VPS50: variants seen among roughly 807,000 people sequenced by gnomAD.
VPS50 encodes the protein syndetin.
VPS50 carries 70 observed loss-of-function variants against 139.7 expected under a neutral mutation model. That is an observed-to-expected ratio of 0.50 (90% confidence interval 0.41 to 0.61). VPS50 has a LOEUF of 0.61. Among genes scored for constraint, VPS50 ranks in the 20% least tolerant of loss-of-function variants. The probability of loss-of-function intolerance (pLI) is 0.00; values close to 1 mark genes in which losing one functional copy is unlikely to be tolerated. For missense variants in VPS50, 921 were observed against 1,133.7 expected (o/e 0.81, Z 2.69); for synonymous variants, 365 against 376.7 (o/e 0.97, Z 0.36).
chr7:93,330,469 A>C (rs1797903105), intron 21 of VPS50, among the ~76,000 whole-genome samples: 1 of 152,134 alleles, frequency 6.6e-6, no homozygotes. Context: ...AATATAAAAA[A>C]TAGGCTAGGC....
intron 14 of VPS50, among the ~76,000 whole-genome samples, chr7:93,295,776 G>T (rs1015778906): frequency 6.6e-6 from 1 of 152,054 alleles, no homozygotes; most frequent in Non-Finnish European, 1.5e-5. Flanking sequence ...CCAGGCTGGA[G>T]TGTGGTGGCA....
At chr7:93,287,390 A>G (rs1218161533) in intron 12 of VPS50, among the ~76,000 whole-genome samples, 2 of 151,908 alleles carry the variant, frequency 1.3e-5, no homozygotes, top group East Asian at 1.9e-4. Context: ...AATTTCAGCA[A>G]ATCCTCAAGA....
chr7:93,234,403 A>C (rs547635309), intron 1 of VPS50, among the ~76,000 whole-genome samples: 1 of 152,346 alleles, frequency 6.6e-6, no homozygotes, highest in East Asian at 1.9e-4. Flanking sequence ...GAAATGGAAA[A>C]AAATACATTA....
chr7:93,301,695 A>C (rs1041364347), intron 16 of VPS50, among the ~76,000 whole-genome samples: 1 of 152,184 alleles, frequency 6.6e-6, no homozygotes. Flanking sequence ...TCTGGCCTCT[A>C]GAACTGTGAG....
intron 9 of VPS50, among the ~76,000 whole-genome samples, chr7:93,261,407 G>A (rs1795668893): frequency 6.6e-6 from 1 of 152,172 alleles, no homozygotes; most frequent in Admixed American, 6.5e-5. Flanking sequence ...GCCGGGCGCG[G>A]TGGCTCACGC....
At chr7:93,262,662 G>A (rs1439233768) in intron 9 of VPS50, among the ~76,000 whole-genome samples, 2 of 152,200 alleles carry the variant, frequency 1.3e-5, no homozygotes, top group Non-Finnish European at 1.5e-5. Flanking sequence ...ATAAAGTTGT[G>A]TTTTTAACTT....
intron 23 of VPS50, among the ~76,000 whole-genome samples, chr7:93,343,637 G>A (rs999538096): frequency 3.9e-5 from 6 of 152,086 alleles, no homozygotes; most frequent in African/African-American, 7.2e-5. Context: ...CAGATCTCTC[G>A]GCAGAAACTC....
chr7:93,284,688 T>A (rs780617460), intron 12 of VPS50, among the ~76,000 whole-genome samples: 2 of 152,234 alleles, frequency 1.3e-5, no homozygotes, highest in Non-Finnish European at 2.9e-5. Context: ...TATTTTTGTC[T>A]ATGGAGACTC....
At chr7:93,273,942 G>T (rs1349546730) in intron 11 of VPS50, among the ~76,000 whole-genome samples, 1 of 152,016 alleles carries the variant, frequency 6.6e-6, no homozygotes, top group Non-Finnish European at 1.5e-5. Context: ...ATGGTGATCT[G>T]TGTTTAGTGA....
Position 93,294,434 on chromosome 7 carries a change from T to A in VPS50, c.1076-111T>A, listed in dbSNP as rs192476577. ...TTGATTGTATAAATATCAAACATAT[T>A]TACTGTATCTTACATAGACTTACAA... On this transcript the variant is annotated intron_variant, in intron 13 of 27. Coordinates refer to ENST00000305866, the MANE Select transcript of VPS50 (RefSeq NM_017667.4). 1.7e-5 allele frequency: 15 copies of A among 898,984 alleles called. No individual in the cohort carries two copies. The Admixed American group carries it at 2.7e-4, about 16-fold the overall frequency. The allele number at this position is 898,984 out of a possible 1,614,324, so 55.7% of individuals were successfully genotyped here. A position where few individuals can be genotyped will look rare whatever the true frequency, so the allele number is the denominator to read the frequency against.
intron 16 of VPS50, among the ~76,000 whole-genome samples, chr7:93,298,892 C>T (rs556039144): frequency 3.0e-4 from 46 of 152,224 alleles, no homozygotes; most frequent in Middle Eastern, 3.4e-3. Flanking sequence ...GCATTTTTTG[C>T]TGCTTACCAA....
intron 18 of VPS50, among the ~76,000 whole-genome samples, chr7:93,308,399 TTTA>T (rs1212351222): frequency 6.6e-6 from 1 of 151,948 alleles, no homozygotes; most frequent in Non-Finnish European, 1.5e-5. Context: ...GTTGCATGTG[TTTA>T]TTAAGCTGAA....
chr7:93,309,865 G>A (rs1319913508), intron 19 of VPS50, among the ~76,000 whole-genome samples: 1 of 151,884 alleles, frequency 6.6e-6, no homozygotes, highest in African/African-American at 2.4e-5. Context: ...CTTAATGATA[G>A]ATTCTTAATG....
intron 18 of VPS50, among the ~76,000 whole-genome samples, chr7:93,307,846 A>C (rs1415306285): frequency 6.6e-6 from 1 of 151,890 alleles, no homozygotes; most frequent in Non-Finnish European, 1.5e-5. Context: ...ATCAGGGTCC[A>C]CATTTAAATA....
intron 17 of VPS50, among the ~76,000 whole-genome samples, chr7:93,304,920 T>C (rs1296585921): frequency 1.3e-5 from 2 of 151,900 alleles, no homozygotes; most frequent in African/African-American, 4.8e-5. Context: ...TGATTAAATG[T>C]ATAGTTGAAA....
chr7:93,265,716 C>T (rs1795821735), intron 9 of VPS50, among the ~76,000 whole-genome samples: 1 of 152,074 alleles, frequency 6.6e-6, no homozygotes, highest in African/African-American at 2.4e-5. Context: ...AGGCACACGC[C>T]ACTACACCCG....
rs182011144 is a variant in VPS50, at chr7:93,341,722, A to T, written c.2207+147A>T. 929 of 508,168 alleles carry T rather than the reference A, an allele frequency of 1.8e-3. 3 individuals are homozygous for T. The highest frequency in any genetic ancestry group is 2.1e-3 in the Non-Finnish European group (617 of 293,648). The allele number at this position is 508,168 out of a possible 1,614,324, so 31.5% of individuals were successfully genotyped here. ...GTTTCTGAGAAGTATATTCTAACAC[A>T]GATTACCAATTGATTTTTTAAACTG... On this transcript the variant is annotated intron_variant, in intron 23 of 27. Coordinates refer to ENST00000305866, the MANE Select transcript of VPS50 (RefSeq NM_017667.4).
At chr7:93,268,390 T>C (rs927587556) in intron 9 of VPS50, among the ~76,000 whole-genome samples, 3 of 152,128 alleles carry the variant, frequency 2.0e-5, no homozygotes, top group African/African-American at 7.2e-5. Flanking sequence ...CATAGGTAAA[T>C]GTGTGCCATG....
chr7:93,258,195 T>C lies in VPS50; in HGVS notation c.459T>C (p.Ala153=). The part of the protein sequence containing the change: ...LNIAKEGFTQ[A]SLGLLANQRK... ...TTGCAAAGGAAGGTTTTACTCAAGC[T>C]AGTTTAGGCCTTCTTGCAAATCAAA... Residue 153 remains alanine, a synonymous_variant, in exon 7 of 28, where the codon GCT becomes GCC. Transcript: ENST00000305866. 2.5e-6 allele frequency: 4 copies of C among 1,586,650 alleles called. No homozygotes were observed. Among genetic ancestry groups the C allele is most frequent in the Non-Finnish European group, 3.5e-6 (4 of 1,155,356 alleles).
Sources: allele counts gnomAD v4.1 joint callset (sites outside exome capture counted in the v4.1 genomes callset), GRCh38; gene constraint gnomAD v4.1.1; transcripts MANE v1.5; gene names NCBI Gene and HGNC (gene_info 2026-07-23, HGNC 2026-07-21).